The following PTPN2 variants were observed in gnomAD, a reference collection of about 807,000 sequenced individuals.
PTPN2 encodes the protein protein tyrosine phosphatase non-receptor type 2, also known as tyrosine-protein phosphatase non-receptor type 2.
PTPN2 carries 19 observed loss-of-function variants against 57.3 expected under a neutral mutation model. The observed-to-expected ratio is 0.33, with a 90% CI of 0.23 to 0.49. The LOEUF (loss-of-function observed/expected upper bound fraction) is 0.49, where lower values mean the gene tolerates loss of function less well. PTPN2 is among the 20% of genes least tolerant of loss of function. The pLI is 0.99. For missense variants in PTPN2, 358 were observed against 501.1 expected, an observed-to-expected ratio of 0.71 and a Z score of 2.73; for synonymous variants, 153 against 164.9, an observed-to-expected ratio of 0.93 and a Z score of 0.55.
At chr18:12,858,732 C>T (rs1032649604) in intron 2 of PTPN2, among the ~76,000 whole-genome samples, 2 of 152,004 alleles carry the variant, frequency 1.3e-5, no homozygotes, top group Non-Finnish European at 1.5e-5. Context: ...TCTCTGTTTT[C>T]TAAGTTTTCT....
intron 7 of PTPN2, among the ~76,000 whole-genome samples, 194 bp from the exon 8 acceptor site, chr18:12,802,345 T>A (rs2041462431): frequency 6.6e-6 from 1 of 152,344 alleles, no homozygotes; most frequent in African/African-American, 2.4e-5. Context: ...TTTCAAAATT[T>A]TATAATAAAG....
intron 5 of PTPN2, among the ~76,000 whole-genome samples, chr18:12,819,651 TAA>T (rs149833765): frequency 1.4e-5 from 2 of 147,208 alleles, no homozygotes; most frequent in South Asian, 2.1e-4. Flanking sequence ...TATTGTAGGT[TAA>T]AAAAAAAAGG....
chr18:12,827,700 T>A (rs998109188), intron 4 of PTPN2, among the ~76,000 whole-genome samples: 2 of 151,446 alleles, frequency 1.3e-5, no homozygotes, highest in South Asian at 2.1e-4. Context: ...AAAAAAAATT[T>A]TTTTTAAGTA....
At chr18:12,874,243 G>A (rs1283878793) in intron 1 of PTPN2, among the ~76,000 whole-genome samples, 1 of 148,848 alleles carries the variant, frequency 6.7e-6, no homozygotes, top group East Asian at 2.0e-4. Context: ...CCCCGTCCGG[G>A]AGGGAGGTGG....
chr18:12,802,790 A>G (rs2041480782), intron 7 of PTPN2, among the ~76,000 whole-genome samples: 1 of 152,200 alleles, frequency 6.6e-6, no homozygotes, highest in South Asian at 2.1e-4. Flanking sequence ...AGAAAAATGG[A>G]GTCTTTCCCA....
At chr18:12,874,574 G>A (rs1278347992) in intron 1 of PTPN2, among the ~76,000 whole-genome samples, 15 of 125,118 alleles carry the variant, frequency 1.2e-4, no homozygotes, top group Admixed American at 6.5e-4. Flanking sequence ...CGCCCCGTCC[G>A]GGAGGGAGGT....
At chr18:12,801,002 T>C (rs1267404472) in intron 8 of PTPN2, among the ~76,000 whole-genome samples, 2 of 152,258 alleles carry the variant, frequency 1.3e-5, no homozygotes, top group Non-Finnish European at 1.5e-5. Context: ...TAAAGGCATA[T>C]TATCAGTTAC....
rs2044180216 is a variant in PTPN2 at position 12,870,365 on chromosome 18, GTA to G, written c.70-11113_70-11112del. Among the ~76,000 whole-genome samples the G allele has an allele frequency of 5.2e-4, 20 of 38,520 alleles. 1 individual carries two copies. Among genetic ancestry groups the G allele is most frequent in the Non-Finnish European group, 8.0e-4 (19 of 23,808 alleles). The allele number at this position is 38,520 out of a possible 152,430, so 25.3% of individuals were successfully genotyped here. ...TACATATATATGTGTATATATATGTGTATATATACATATATATACGTATATAT... is the reference window on the plus strand; with the variant it reads ...TACATATATATGTGTATATATATGTGTATATACATATATATACGTATATAT... On this transcript the variant is annotated intron_variant, in intron 1 of 8. Transcript: ENST00000309660.
intron 5 of PTPN2, chr18:12,819,222 A>C: frequency 2.1e-6 from 3 of 1,425,360 alleles, no homozygotes; most frequent in Non-Finnish European, 2.8e-6. Flanking sequence ...ACTTTTAGTG[A>C]CCTTTTAACA....
At chr18:12,834,360 C>A (rs8087237) in intron 3 of PTPN2, among the ~76,000 whole-genome samples, 52,800 of 150,784 alleles carry the variant, frequency 0.35, 10,976 homozygotes, top group Middle Eastern at 0.47. Flanking sequence ...TTTAATGTCT[C>A]TGGATCTCCT....
Position 12,792,177 on chromosome 18 carries a change from T to C in PTPN2, c.*2101A>G, listed in dbSNP as rs2041001531. On this transcript the variant is annotated 3_prime_UTR_variant, in exon 9 of 9. Transcript: ENST00000309660. Reference sequence around the variant, plus strand: ...TGTTATATAAATCTTATTTAATATGTAGTACCACCTACATCCTGCTTTCAT... The same window carrying C: ...TGTTATATAAATCTTATTTAATATGCAGTACCACCTACATCCTGCTTTCAT... 2.2e-6 allele frequency: 2 copies of C among 897,682 alleles called. No homozygotes were observed. Among genetic ancestry groups the C allele is most frequent in the Non-Finnish European group, 2.7e-6 (2 of 749,458 alleles). The allele number at this position is 897,682 out of a possible 1,614,324, so 55.6% of individuals were successfully genotyped here. A position where few individuals can be genotyped will look rare whatever the true frequency, so the allele number is the denominator to read the frequency against.
intron 7 of PTPN2, among the ~76,000 whole-genome samples, chr18:12,808,642 G>A (rs1476873940): frequency 6.6e-6 from 1 of 152,122 alleles, no homozygotes; most frequent in African/African-American, 2.4e-5. Flanking sequence ...TTAGCTGGGT[G>A]TGGTGGCACA....
chr18:12,835,790 G>T (rs970395837), intron 3 of PTPN2, among the ~76,000 whole-genome samples: 3 of 152,162 alleles, frequency 2.0e-5, no homozygotes, highest in African/African-American at 7.2e-5. Context: ...TCTGACAGGT[G>T]AAAGGCCCAT....
chr18:12,795,509 G>T (rs2041142808), intron 8 of PTPN2, among the ~76,000 whole-genome samples: 1 of 152,096 alleles, frequency 6.6e-6, no homozygotes, highest in Admixed American at 6.6e-5. Flanking sequence ...TAGCCAGGCT[G>T]GTCTTGAACT....
At chr18:12,787,630 G>C (rs922177953), downstream of PTPN2, 1 of 151,856 alleles carries the variant, frequency 6.6e-6, no homozygotes, top group Non-Finnish European at 1.5e-5. Context: ...TATTCAGGGT[G>C]GGGGGGTAAG....
intron 1 of PTPN2, among the ~76,000 whole-genome samples, chr18:12,882,685 A>G (rs2145555263): frequency 6.6e-6 from 1 of 152,328 alleles, no homozygotes; most frequent in Non-Finnish European, 1.5e-5. Flanking sequence ...AGCATTCTTT[A>G]AAACTTAGAT....
chr18:12,803,822 A>G (rs1249560446), intron 7 of PTPN2, among the ~76,000 whole-genome samples: 1 of 152,200 alleles, frequency 6.6e-6, no homozygotes, highest in African/African-American at 2.4e-5. Context: ...CAGATCATCC[A>G]GACATAAAAT....
chr18:12,834,040 T>C (rs534099311), intron 3 of PTPN2, among the ~76,000 whole-genome samples: 2 of 152,168 alleles, frequency 1.3e-5, no homozygotes, highest in Non-Finnish European at 2.9e-5. Flanking sequence ...AAACAATTAC[T>C]AGGAGGCTGG....
At chr18:12,854,142 T>G (rs922186223) in intron 2 of PTPN2, among the ~76,000 whole-genome samples, 4 of 152,000 alleles carry the variant, frequency 2.6e-5, no homozygotes, top group African/African-American at 9.7e-5. Context: ...GTGGACTACA[T>G]GAGTCCAGGA....
Sources: gnomAD v4.1 joint callset for allele counts (sites outside exome capture counted in the v4.1 genomes callset) on GRCh38, gnomAD v4.1.1 for gene constraint, MANE v1.5 for transcripts, NCBI Gene and HGNC (gene_info 2026-07-23, HGNC 2026-07-21) for gene names.